Variants in ELAC2 observed in about 807,000 individuals in gnomAD.
The protein encoded by ELAC2 is zinc phosphodiesterase ELAC protein 2.
In ELAC2, 92 loss-of-function variants were observed where a neutral mutation model predicts 105.2. That is an observed-to-expected ratio of 0.87 (90% CI 0.74 to 1.04). ELAC2 has a LOEUF of 1.04. Among genes scored for constraint, ELAC2 ranks in the 50% least tolerant of loss-of-function variants. The pLI is 0.00. For synonymous variants in ELAC2, 468 were observed against 409.1 expected (o/e 1.14, Z -1.74); for missense variants, 1,099 against 1,071.7 (o/e 1.03, Z -0.36).
intron 23 of ELAC2, 99 bp downstream of exon 23, chr17:12,993,588 A>C (rs2040313869): frequency 6.3e-7 from 1 of 1,578,284 alleles, no homozygotes; most frequent in Non-Finnish European, 8.7e-7. Flanking sequence ...CGGTGGCCCC[A>C]AATAAGAAAG....
rs746217653 is a variant in ELAC2, at chr17:13,015,800, G to C, written c.400C>G (p.Pro134Ala). 4.3e-6 allele frequency: 7 copies of C among 1,614,132 alleles called. No individual in the cohort carries two copies. In the Admixed American group the frequency reaches 1.2e-4, roughly 27 times the overall value. Residue 134 changes from proline to alanine, a missense_variant, in exon 4 of 24, where the codon CCA becomes GCA. By Grantham distance (27) the Pro-to-Ala change is conservative (BLOSUM62 -1). Transcript: ENST00000338034. ...MILTLKETGLPKCVLSGPPQL... is the reference protein window; with the variant it reads ...MILTLKETGLAKCVLSGPPQL... ...GGAGGTCCAGAAAGTACACACTTTG[G>C]AAGCCCGGTTTCCTTTAAAGTAAGA...
In ELAC2 at chr17:13,017,931, G is replaced by C. The variant is rs1361098083; in HGVS notation, c.17C>G (p.Ser6Trp). Reference sequence around the variant, plus strand: ...GCGTCCGGCCGCGGACCGCAGCAGCGAGCAAAGCGCCCACATGCGCCCGTC... The same window carrying C: ...GCGTCCGGCCGCGGACCGCAGCAGCCAGCAAAGCGCCCACATGCGCCCGTC... The part of the protein sequence containing the change: MWALC[S>W]LLRSAAGRTM... Residue 6 changes from serine (S) to tryptophan (W), a missense_variant, in exon 1 of 24, where the codon TCG (serine) becomes TGG (tryptophan). Coordinates refer to ENST00000338034, the MANE Select transcript of ELAC2 (RefSeq NM_018127.7). 1.3e-6 allele frequency: 2 copies of C among 1,538,812 alleles called. No individual in the cohort carries two copies. Among genetic ancestry groups the C allele is most frequent in the Admixed American group, 3.9e-5 (2 of 51,000 alleles).
chr17:13,007,928 T>A (rs906451165), intron 8 of ELAC2, among the ~76,000 whole-genome samples: 3 of 151,416 alleles, frequency 2.0e-5, no homozygotes, highest in Admixed American at 2.0e-4. Context: ...AGGCTGGGCA[T>A]GGTGGTTCAC....
In ELAC2 at chr17:12,995,827, G is replaced by C. The variant is rs754311468; in HGVS notation, c.1699-15C>G. On this transcript the variant is annotated splice_polypyrimidine_tract_variant and intron_variant, in intron 18 of 23. Coordinates refer to ENST00000338034, the MANE Select transcript of ELAC2 (RefSeq NM_018127.7). The stretch of plus-strand genomic sequence containing the variant: ...CCCAAAGATGCCTGGAACAAAAAAT[G>C]CAAGTGCCGACTCGACGACAGAACA... 2.9e-5 allele frequency: 47 copies of C among 1,603,816 alleles called. No individual in the cohort carries two copies. The highest frequency in any genetic ancestry group is 3.5e-5 in the Non-Finnish European group (41 of 1,175,170).
At chr17:13,015,864 T>C (rs779653920) in intron 3 of ELAC2, 32 bp from the exon 4 acceptor site, 29 of 1,577,654 alleles carry the variant, frequency 1.8e-5, no homozygotes, top group Non-Finnish European at 2.5e-5. Flanking sequence ...AGATCTCTCA[T>C]CAATTTGACC....
At position 12,995,755 on chromosome 17, in the gene ELAC2, C is replaced by G; in HGVS notation, c.1756G>C (p.Ala586Pro). ...LLVVAPNQLK[A>P]WLQQYHNQCQ... ...TGGTTGTGGTACTGCTGGAGCCAGG[C>G]TTTGAGCTGGTTGGGGGCAACCACC... The change falls in exon 19 of 24, where the codon GCC becomes CCC. Residue 586 changes from alanine to proline, a missense_variant. Coordinates refer to ENST00000338034, the MANE Select transcript of ELAC2 (RefSeq NM_018127.7). 6.2e-7 allele frequency: 1 copy of G among 1,613,086 alleles called. No homozygotes were observed. The highest frequency in any genetic ancestry group is 8.5e-7 in the Non-Finnish European group (1 of 1,179,612).
Position 12,993,001 on chromosome 17 carries a change from TG to T in ELAC2, c.2297del (p.Pro766HisfsTer2). ...TGTCGCCAGCAAACAGGGCTTTCAG[TG>T]GGGGAATCAGCTTGGGCATTGTTGG... Reference protein sequence around the residue: ...DFPTMPKLIPPLKALFAGDIE... With the variant: ...DFPTMPKLIPXLKALFAGDIE... On this transcript the variant is annotated frameshift_variant, in exon 24 of 24. Coordinates refer to ENST00000338034, the MANE Select transcript of ELAC2 (RefSeq NM_018127.7). LOFTEE classifies it low-confidence loss of function (END_TRUNC). 1 of 1,606,280 alleles carries T rather than the reference TG, an allele frequency of 6.2e-7. No individual in the cohort carries two copies.
intron 12 of ELAC2, chr17:13,002,784 G>T (rs2040888285): frequency 1.3e-6 from 1 of 762,696 alleles, no homozygotes; most frequent in Non-Finnish European, 2.2e-6. Flanking sequence ...TGCCTTTCAG[G>T]TGTGCTGGGA....
At chr17:13,012,945 A>G (rs1237910828) in intron 6 of ELAC2, among the ~76,000 whole-genome samples, 1 of 152,236 alleles carries the variant, frequency 6.6e-6, no homozygotes, top group Non-Finnish European at 1.5e-5. Context: ...GAATGTGCAA[A>G]CTTGAATGCA....
intron 16 of ELAC2, 59 bp from the exon 17 acceptor site, chr17:12,996,744 G>A (rs2040496620): frequency 3.8e-6 from 6 of 1,594,872 alleles, no homozygotes; most frequent in South Asian, 3.4e-5. Context: ...ATGGTTCAGA[G>A]GCTGATGTCT....
Position 13,003,518 on chromosome 17 carries a change from G to A in ELAC2, c.1040C>T (p.Ser347Phe). 2.5e-6 allele frequency: 4 copies of A among 1,614,216 alleles called. No individual in the cohort carries two copies. Among genetic ancestry groups the A allele is most frequent in the Middle Eastern group, 1.6e-4 (1 of 6,062 alleles). Residue 347 changes from serine (S) to phenylalanine (F), a missense_variant, in exon 12 of 24, where the codon TCT (serine) becomes TTT (phenylalanine). Coordinates refer to ENST00000338034, the MANE Select transcript of ELAC2 (RefSeq NM_018127.7). ...VALVVHMAPA[S>F]VLVDSRYQQW... ...CTGGTACCTGCTGTCCACAAGCACAGATGCTGGGGCCATGTGAACCACCAA... is the reference window on the plus strand; with the variant it reads ...CTGGTACCTGCTGTCCACAAGCACAAATGCTGGGGCCATGTGAACCACCAA...
rs201960330 is a variant in ELAC2 at position 13,005,882 on chromosome 17, A to C, written c.797+39T>G. Reference sequence around the variant, plus strand: ...GTGATTTCCTTAAGTGGACAGGTGTACCCAGTGAGTCCCCAGAAGCCTTAC... The same window carrying C: ...GTGATTTCCTTAAGTGGACAGGTGTCCCCAGTGAGTCCCCAGAAGCCTTAC... On this transcript the variant is annotated intron_variant, in intron 9 of 23. Transcript: ENST00000338034. 2.1e-3 allele frequency: 3,420 copies of C among 1,613,992 alleles called. 5 individuals carry two copies. Among genetic ancestry groups the C allele is most frequent in the Non-Finnish European group, 2.7e-3 (3,165 of 1,179,880 alleles).
rs764486912 is a variant in ELAC2 at position 13,011,760 on chromosome 17, G to A, written c.582C>T (p.His194=). 13 of 1,614,026 alleles carry A rather than the reference G, an allele frequency of 8.1e-6. No individual in the cohort carries two copies. The highest frequency in any genetic ancestry group is 3.3e-5 in the Admixed American group (2 of 59,992). ...PIHSEQRRGK[H]QPWQSPERPL... is the part of the protein sequence containing the mutation. The stretch of plus-strand genomic sequence containing the variant: ...GCCTTTCTGGACTCTGCCATGGTTG[G>A]TGCTTTCCCCTCCTCTGTTCACCTG... Residue 194 remains histidine (H), a synonymous_variant, in exon 7 of 24, where the codon CAC becomes CAT. Transcript: ENST00000338034.
chr17:12,993,496 T>C (rs1317212010), intron 23 of ELAC2, among the ~76,000 whole-genome samples, 191 bp downstream of exon 23: 1 of 152,192 alleles, frequency 6.6e-6, no homozygotes, highest in Non-Finnish European at 1.5e-5. Context: ...TGAAGACTAG[T>C]TGGCCCCTGC....
chr17:13,010,665 C>T lies in ELAC2; in HGVS notation c.686G>A (p.Ser229Asn), dbSNP rs2041368322. The T allele has an allele frequency of 6.2e-7, 1 of 1,614,054 alleles. No homozygotes were observed. The highest frequency in any genetic ancestry group is 8.5e-7 in the Non-Finnish European group (1 of 1,179,998). ...ENEPHLPHGV[S>N]QRRGVRDSSL... ...AGAGTCCCTGACCCCTCTTCTCTGG[C>T]TAACACCTGAGGAAAAACACACTTG... Residue 229 changes from serine to asparagine, a missense_variant, in exon 8 of 24, where the codon AGC becomes AAC. Coordinates refer to ENST00000338034, the MANE Select transcript of ELAC2 (RefSeq NM_018127.7).
At chr17:12,994,918 T>C (rs1372445534) in intron 20 of ELAC2, 34 bp from the exon 21 acceptor site, 5 of 1,614,004 alleles carry the variant, frequency 3.1e-6, no homozygotes, top group African/African-American at 1.3e-5. Context: ...TCTGCAGCTC[T>C]GCTCCCCACC....
At position 13,003,465 on chromosome 17, in the gene ELAC2, G is replaced by A; in HGVS notation, c.1079+14C>T. ...GAAGAGTTACCCCAAGTGCCGCTGGGCTGGGCTCCATACCTCTCCATCCAC... is the reference window on the plus strand; with the variant it reads ...GAAGAGTTACCCCAAGTGCCGCTGGACTGGGCTCCATACCTCTCCATCCAC... On this transcript the variant is annotated intron_variant, in intron 12 of 23. Coordinates refer to ENST00000338034, the MANE Select transcript of ELAC2 (RefSeq NM_018127.7). 6.2e-7 allele frequency: 1 copy of A among 1,613,172 alleles called. No homozygotes were observed. The highest frequency in any genetic ancestry group is 1.7e-5 in the Admixed American group (1 of 60,028).
chr17:13,007,993 G>T (rs1015145768), intron 8 of ELAC2, among the ~76,000 whole-genome samples: 1 of 150,980 alleles, frequency 6.6e-6, no homozygotes, highest in African/African-American at 2.4e-5. Context: ...TTGAGGTCAG[G>T]AGTTCGAGAC....
intron 12 of ELAC2, 25 bp from the exon 13 acceptor site, chr17:13,002,604 T>C (rs2040876267): frequency 6.3e-7 from 1 of 1,581,564 alleles, no homozygotes. Context: ...ACCCGGCATT[T>C]GCAGCGTCTG....
Sources: gnomAD v4.1 joint callset for allele counts (sites outside exome capture counted in the v4.1 genomes callset) on GRCh38, gnomAD v4.1.1 for gene constraint, MANE v1.5 for transcripts, NCBI Gene and HGNC (gene_info 2026-07-23, HGNC 2026-07-21) for gene names.